The following FNBP1L variants were observed in gnomAD, a reference collection of about 807,000 sequenced individuals.
FNBP1L encodes the protein formin-binding protein 1-like.
A neutral mutation model predicts 91.2 loss-of-function variants in FNBP1L; 36 were observed. The observed-to-expected ratio is 0.39, with a 90% CI of 0.30 to 0.52. The LOEUF (loss-of-function observed/expected upper bound fraction) is 0.52, where lower values mean the gene tolerates loss of function less well. Ranked by LOEUF, FNBP1L falls within the 20% of genes least tolerant of loss-of-function variation. FNBP1L has a pLI of 0.66. For missense variants in FNBP1L, 571 were observed against 732.1 expected, an observed-to-expected ratio of 0.78 and a Z score of 2.54; for synonymous variants, 242 against 237.0, an observed-to-expected ratio of 1.02 and a Z score of -0.19.
At chr1:93,466,635 T>A (rs532550078) in intron 1 of FNBP1L, among the ~76,000 whole-genome samples, 1 of 152,320 alleles carries the variant, frequency 6.6e-6, no homozygotes, top group Admixed American at 6.5e-5. Flanking sequence ...TCAGGTAGCG[T>A]CATGCCTCCA....
At chr1:93,507,493 T>TTG (rs1289006784) in intron 2 of FNBP1L, among the ~76,000 whole-genome samples, 2 of 152,312 alleles carry the variant, frequency 1.3e-5, no homozygotes, top group African/African-American at 2.4e-5. Flanking sequence ...AATAAGCATA[T>TTG]TGTGTTAAAA....
At chr1:93,483,560 C>G (rs1473620338) in intron 1 of FNBP1L, among the ~76,000 whole-genome samples, 1 of 151,994 alleles carries the variant, frequency 6.6e-6, no homozygotes, top group African/African-American at 2.4e-5. Context: ...TTTCTTAATC[C>G]TAAATATTAA....
intron 2 of FNBP1L, among the ~76,000 whole-genome samples, chr1:93,520,227 A>G (rs1221050634): frequency 2.6e-5 from 4 of 152,214 alleles, no homozygotes; most frequent in African/African-American, 4.8e-5. Context: ...TGCTTAGCAC[A>G]TAATAGACAA....
At chr1:93,506,281 C>CTTTA (rs1670609927) in intron 2 of FNBP1L, among the ~76,000 whole-genome samples, 1 of 152,108 alleles carries the variant, frequency 6.6e-6, no homozygotes, top group Admixed American at 6.5e-5. Context: ...GGGTTGGTGG[C>CTTTA]TTTATTCTTT....
intron 1 of FNBP1L, among the ~76,000 whole-genome samples, chr1:93,491,012 T>A (rs1295485091): frequency 1.3e-5 from 2 of 151,258 alleles, no homozygotes; most frequent in Non-Finnish European, 3.0e-5. Context: ...CGATCATGGC[T>A]CACTGCAGCC....
chr1:93,544,250 A>G lies in FNBP1L; in HGVS notation c.1274+34A>G, dbSNP rs377354778. 5 of 1,482,722 alleles carry G rather than the reference A, an allele frequency of 3.4e-6. No individual in the cohort carries two copies. In the African/African-American group the frequency reaches 5.6e-5, roughly 17 times the overall value. The allele number at this position is 1,482,722 out of a possible 1,614,324, so 91.8% of individuals were successfully genotyped here. The stretch of plus-strand genomic sequence containing the variant: ...CCTTTAAGTTTTCTCTATCATTATT[A>G]TTTTAGGATCTACTTTGAGTGACGC... On this transcript the variant is annotated intron_variant, in intron 12 of 16. Coordinates refer to ENST00000271234, the MANE Select transcript of FNBP1L (RefSeq NM_001164473.3).
intron 2 of FNBP1L, among the ~76,000 whole-genome samples, chr1:93,513,000 G>T (rs1670918587): frequency 6.6e-6 from 1 of 151,824 alleles, no homozygotes; most frequent in Non-Finnish European, 1.5e-5. Flanking sequence ...TTTTTGAAAG[G>T]ATCAACAAAA....
Position 93,553,135 on chromosome 1 carries a change from TGAAA to T in FNBP1L, c.*723_*726del, listed in dbSNP as rs1672471192. On this transcript the variant is annotated 3_prime_UTR_variant, in exon 17 of 17. Transcript: ENST00000271234. ...TCTCTGCTGTAGCCTACAGCCCAGT[TGAAA>T]GAACTCTTTGAAACGTGATACATCT... 6.6e-6 allele frequency: 1 copy of T among 152,634 alleles called. No homozygotes were observed. The highest frequency in any genetic ancestry group is 1.5e-5 in the Non-Finnish European group (1 of 68,038). The allele number at this position is 152,634 out of a possible 1,614,324, so 9.5% of individuals were successfully genotyped here.
chr1:93,449,449 A>G (rs1409351802), intron 1 of FNBP1L, among the ~76,000 whole-genome samples: 2 of 152,172 alleles, frequency 1.3e-5, no homozygotes, highest in Non-Finnish European at 2.9e-5. Context: ...GGGGAGAAAT[A>G]ACTTTTGAGT....
Position 93,510,590 on chromosome 1 carries a change from G to A in FNBP1L, c.140+11007G>A, listed in dbSNP as rs567719851. 1.1e-4 allele frequency among the ~76,000 whole-genome samples: 16 copies of A among 152,268 alleles called. No homozygotes were observed. The South Asian group carries it at 1.3e-3, about 12-fold the overall frequency. On this transcript the variant is annotated intron_variant, in intron 2 of 16. Transcript: ENST00000271234. Reference sequence around the variant, plus strand: ...AGGAACACAGTTCCTCACCAGCAACGGAACAAAGCTGGACGGAGAATGACT... The same window carrying A: ...AGGAACACAGTTCCTCACCAGCAACAGAACAAAGCTGGACGGAGAATGACT...
intron 1 of FNBP1L, among the ~76,000 whole-genome samples, chr1:93,473,220 C>T (rs1669367980): frequency 6.6e-6 from 1 of 151,750 alleles, no homozygotes; most frequent in East Asian, 1.9e-4. Context: ...TGATTTTGAA[C>T]CATTTTATTT....
chr1:93,479,670 G>A (rs189028828), intron 1 of FNBP1L, among the ~76,000 whole-genome samples: 329 of 152,218 alleles, frequency 2.2e-3, no homozygotes, highest in African/African-American at 7.5e-3. Flanking sequence ...AGAATTTAGC[G>A]ATATCTCTCC....
chr1:93,538,262 T>A (rs1001443415), intron 10 of FNBP1L, among the ~76,000 whole-genome samples: 14 of 140,000 alleles, frequency 1.0e-4, no homozygotes, highest in African/African-American at 4.4e-4. Flanking sequence ...TCATCTTATT[T>A]TTTTTTTTTT....
chr1:93,552,589 T>C lies in FNBP1L; in HGVS notation c.*173T>C. ...TCATTAGCATTTCCATACATTGTTT[T>C]TAAAAATCATAATACCAACCCTTAA... On this transcript the variant is annotated 3_prime_UTR_variant, in exon 17 of 17. Coordinates refer to ENST00000271234, the MANE Select transcript of FNBP1L (RefSeq NM_001164473.3). The C allele has an allele frequency of 3.5e-6, 2 of 568,564 alleles. No homozygotes were observed. The highest frequency in any genetic ancestry group is 5.9e-6 in the Non-Finnish European group (2 of 340,288). The allele number at this position is 568,564 out of a possible 1,614,324, so 35.2% of individuals were successfully genotyped here. A position where few individuals can be genotyped will look rare whatever the true frequency, so the allele number is the denominator to read the frequency against.
chr1:93,471,701 A>C (rs1042494525), intron 1 of FNBP1L, among the ~76,000 whole-genome samples: 1 of 152,184 alleles, frequency 6.6e-6, no homozygotes, highest in Non-Finnish European at 1.5e-5. Context: ...TCAAAAAACA[A>C]AAGCAAAACC....
At chr1:93,449,499 GTTAA>G (rs1195479605) in intron 1 of FNBP1L, among the ~76,000 whole-genome samples, 1 of 152,208 alleles carries the variant, frequency 6.6e-6, no homozygotes. Context: ...AAGCCAATGG[GTTAA>G]TTGAAAGGCA....
Position 93,551,373 on chromosome 1 carries a change from G to C in FNBP1L, c.1810+268G>C, listed in dbSNP as rs931946953. 2.7e-6 allele frequency: 3 copies of C among 1,090,956 alleles called. No homozygotes were observed. In the African/African-American group the frequency reaches 4.9e-5, roughly 18 times the overall value. The allele number at this position is 1,090,956 out of a possible 1,614,324, so 67.6% of individuals were successfully genotyped here. ...TTTGCTTTATGTCCCGCTTAAGTCT[G>C]TGTGAAGGATTTGTGTTTTTCTGCC... On this transcript the variant is annotated intron_variant, in intron 16 of 16. Transcript: ENST00000271234.
chr1:93,468,769 C>G (rs1373688562), intron 1 of FNBP1L, among the ~76,000 whole-genome samples: 2 of 152,092 alleles, frequency 1.3e-5, no homozygotes, highest in African/African-American at 4.8e-5. Flanking sequence ...TTTTCTTTCT[C>G]TTGGGTATAT....
rs1668684248 is a variant in FNBP1L, at chr1:93,456,810, TATTTAC to T, written c.24+8507_24+8512del. The stretch of plus-strand genomic sequence containing the variant: ...AAAAAAATCGTTGCTTTTGGGGGAG[TATTTAC>T]AGGGGATGACAAGCCACTGAATCCC... On this transcript the variant is annotated intron_variant, in intron 1 of 16. Coordinates refer to ENST00000271234, the MANE Select transcript of FNBP1L (RefSeq NM_001164473.3). 6.6e-5 allele frequency among the ~76,000 whole-genome samples: 10 copies of T among 150,676 alleles called. No individual in the cohort carries two copies. In the South Asian group the frequency reaches 2.1e-3, roughly 32 times the overall value.
Sources: allele counts gnomAD v4.1 joint callset (sites outside exome capture counted in the v4.1 genomes callset), GRCh38; gene constraint gnomAD v4.1.1; transcripts MANE v1.5; gene names NCBI Gene and HGNC (gene_info 2026-07-23, HGNC 2026-07-21).